The following CUX1 variants were observed in gnomAD, a reference collection of about 807,000 sequenced individuals.
The protein encoded by CUX1 is protein CASP.
In CUX1, 31 loss-of-function variants were observed where a neutral mutation model predicts 158.8. The ratio of observed to expected loss-of-function variants is 0.20; its 90% CI spans 0.15 to 0.26. The LOEUF is 0.26. CUX1 is among the 10% of genes least tolerant of loss of function. CUX1 has a pLI of 1.00. For synonymous variants in CUX1, 879 were observed against 862.1 expected (o/e 1.02, Z -0.34); for missense variants, 1,589 against 2,014.6 (o/e 0.79, Z 4.04).
chr7:101,991,453 G>T (rs186450691), intron 2 of CUX1, among the ~76,000 whole-genome samples: 12 of 152,270 alleles, frequency 7.9e-5, no homozygotes, highest in Non-Finnish European at 1.6e-4. Context: ...TGTGATGTCT[G>T]CTTCTTTTAA....
At chr7:101,954,600 G>A (rs964705727) in intron 2 of CUX1, among the ~76,000 whole-genome samples, 2 of 152,096 alleles carry the variant, frequency 1.3e-5, no homozygotes, top group Non-Finnish European at 2.9e-5. Flanking sequence ...CTTGAGTGCA[G>A]GAGTTTGAGA....
intron 1 of CUX1, among the ~76,000 whole-genome samples, chr7:101,898,743 A>G (rs1203878069): frequency 2.6e-5 from 4 of 151,648 alleles, no homozygotes; most frequent in African/African-American, 9.7e-5. Flanking sequence ...GGCACGCACC[A>G]CCACACCTGG....
intron 17 of CUX1, chr7:102,277,930 C>CGTGCG: frequency 8.7e-6 from 10 of 1,145,590 alleles, no homozygotes; most frequent in Non-Finnish European, 1.2e-5. Flanking sequence ...CACCCCTTTC[C>CGTGCG]TTGCCCCTCC....
At chr7:101,985,805 A>G (rs913419897) in intron 2 of CUX1, among the ~76,000 whole-genome samples, 1 of 152,244 alleles carries the variant, frequency 6.6e-6, no homozygotes, top group East Asian at 1.9e-4. Context: ...AAAATTACAA[A>G]GCAGATTGAT....
At chr7:101,980,705 G>T (rs1813323630) in intron 2 of CUX1, among the ~76,000 whole-genome samples, 1 of 152,114 alleles carries the variant, frequency 6.6e-6, no homozygotes, top group Admixed American at 6.6e-5. Flanking sequence ...AGGCCAGCTT[G>T]TAACTGTTCA....
chr7:102,022,165 G>A (rs1819454915), intron 2 of CUX1, among the ~76,000 whole-genome samples: 1 of 152,152 alleles, frequency 6.6e-6, no homozygotes, highest in African/African-American at 2.4e-5. Context: ...GTACGTTACA[G>A]GTGCAATTGA....
In CUX1 at chr7:102,273,428, G is replaced by C. The variant is rs782346338; in HGVS notation, c.1318G>C (p.Glu440Gln). 3.7e-6 allele frequency: 6 copies of C among 1,613,272 alleles called. No individual in the cohort carries two copies. The South Asian group carries it at 6.6e-5, about 18-fold the overall frequency. The stretch of plus-strand genomic sequence containing the variant: ...TGTGGCCACAGCCACTGAGCAGAGA[G>C]AGCTGATCGCCCGCCTGGAGCAGGA... The change falls in exon 15 of 23, where the codon GAG becomes CAG. Residue 440 changes from glutamate (E) to glutamine (Q), a missense_variant. Transcript: ENST00000292538.
chr7:102,075,950 C>T (rs1414332986), intron 4 of CUX1, among the ~76,000 whole-genome samples: 3 of 152,126 alleles, frequency 2.0e-5, no homozygotes, highest in African/African-American at 4.8e-5. Flanking sequence ...GTCCCGCCGG[C>T]GCCCCAAGCC....
intron 1 of CUX1, among the ~76,000 whole-genome samples, chr7:101,870,804 A>G (rs553649168): frequency 3.0e-4 from 46 of 152,368 alleles, no homozygotes; most frequent in African/African-American, 1.1e-3. Context: ...GTTTTCAGCT[A>G]AAGCTGTGAG....
chr7:102,040,745 C>T (rs1190605246), intron 3 of CUX1, among the ~76,000 whole-genome samples: 3 of 152,296 alleles, frequency 2.0e-5, no homozygotes, highest in South Asian at 2.1e-4. Flanking sequence ...CCATGTGGTT[C>T]GCTCCAAAGA....
intron 8 of CUX1, among the ~76,000 whole-genome samples, chr7:102,126,177 CTG>C (rs3988138): frequency 0.02 from 2,647 of 135,474 alleles, 31 homozygotes; most frequent in African/African-American, 0.036. Flanking sequence ...CCATTTCCGG[CTG>C]TGTGTGTGTG....
chr7:101,953,065 CTCACGTG>C (rs1274393384), intron 2 of CUX1, among the ~76,000 whole-genome samples: 5 of 152,208 alleles, frequency 3.3e-5, no homozygotes, highest in African/African-American at 1.2e-4. Flanking sequence ...CTGCCCGCTC[CTCACGTG>C]TGAGGGGAAC....
intron 11 of CUX1, among the ~76,000 whole-genome samples, chr7:102,184,259 G>A (rs1190282876): frequency 2.0e-5 from 3 of 152,220 alleles, no homozygotes; most frequent in Admixed American, 6.5e-5. Flanking sequence ...AGTTGGCATT[G>A]TAAAGTTTAT....
chr7:102,163,598 G>A (rs969618528), intron 9 of CUX1, among the ~76,000 whole-genome samples: 1 of 152,196 alleles, frequency 6.6e-6, no homozygotes, highest in African/African-American at 2.4e-5. Context: ...GCTATACATT[G>A]GAGAACAGAT....
chr7:101,951,896 G>A (rs1809107998), intron 2 of CUX1, among the ~76,000 whole-genome samples: 1 of 152,222 alleles, frequency 6.6e-6, no homozygotes, highest in South Asian at 2.1e-4. Flanking sequence ...TTTCGGCAGG[G>A]CCATATGGTC....
In CUX1 at chr7:102,254,413, A is replaced by G. The variant is rs1467690412; in HGVS notation, c.*5371A>G. ...CAAACATCAAACATCTCAAAGACGG[A>G]AAAGGATAGATGGCTTCCTCCAGCC... On this transcript the variant is annotated 3_prime_UTR_variant, in exon 24 of 24. Coordinates refer to ENST00000292535, the MANE Select transcript of CUX1 (RefSeq NM_181552.4). The G allele has an allele frequency of 4.1e-6, 4 of 985,390 alleles. No individual in the cohort carries two copies. The highest frequency in any genetic ancestry group is 3.5e-5 in the African/African-American group (2 of 57,314). 61.0% of individuals were successfully genotyped at this position (985,390 alleles called of 1,614,324 possible). A position where few individuals can be genotyped will look rare whatever the true frequency, so the allele number is the denominator to read the frequency against.
chr7:101,889,258 CAAAAAA>C (rs55853593), intron 1 of CUX1, among the ~76,000 whole-genome samples: 1 of 112,734 alleles, frequency 8.9e-6, no homozygotes. Context: ...GACCCTGTCT[CAAAAAA>C]AAAAAAAAAA....
chr7:102,198,800 A>G lies in CUX1; in HGVS notation c.1895-2A>G. The G allele has an allele frequency of 6.2e-7, 1 of 1,614,068 alleles. No individual in the cohort carries two copies. The highest frequency in any genetic ancestry group is 8.5e-7 in the Non-Finnish European group (1 of 1,179,904). ...GTTCTTACCACACTTGTTTTTCAACAGAGAATCCAGGCCAGAGCCTGAACA... is the reference window on the plus strand; with the variant it reads ...GTTCTTACCACACTTGTTTTTCAACGGAGAATCCAGGCCAGAGCCTGAACA... On this transcript the variant is annotated splice_acceptor_variant, in intron 15 of 23. Coordinates refer to ENST00000292535, the MANE Select transcript of CUX1 (RefSeq NM_181552.4). LOFTEE classifies it high-confidence loss of function.
chr7:102,283,767 G>A (rs1419806098), exon 23 of CUX1: 1 of 152,374 alleles, frequency 6.6e-6, no homozygotes, highest in African/African-American at 2.4e-5. Context: ...AGTCTCTAAT[G>A]AGCCCCCGAG....
Sources: allele counts gnomAD v4.1 joint callset (sites outside exome capture counted in the v4.1 genomes callset), GRCh38; gene constraint gnomAD v4.1.1; transcripts MANE v1.5; gene names NCBI Gene and HGNC (gene_info 2026-07-23, HGNC 2026-07-21).